DGKH: variants seen among roughly 807,000 people sequenced by gnomAD.
DGKH encodes the protein DAG kinase eta.
In DGKH, 90 loss-of-function variants were observed where a neutral mutation model predicts 159.3. The ratio of observed to expected loss-of-function variants is 0.57; its 90% CI spans 0.48 to 0.67. The LOEUF is 0.67. DGKH is among the 30% of genes least tolerant of loss of function. DGKH has a pLI of 0.00. For synonymous variants in DGKH, 536 were observed against 553.8 expected (o/e 0.97, Z 0.45); for missense variants, 1,181 against 1,506.1 (o/e 0.78, Z 3.57).
intron 1 of DGKH, among the ~76,000 whole-genome samples, chr13:42,093,848 G>A (rs746623256): frequency 3.9e-5 from 6 of 152,102 alleles, no homozygotes; most frequent in Non-Finnish European, 7.4e-5. Context: ...AGTTGCCAGG[G>A]GCTGAGAAGC....
At chr13:42,104,228 A>G (rs1219927481) in intron 1 of DGKH, among the ~76,000 whole-genome samples, 1 of 152,208 alleles carries the variant, frequency 6.6e-6, no homozygotes, top group Non-Finnish European at 1.5e-5. Flanking sequence ...GCACGGGACC[A>G]TTCAAGGGCC....
intron 9 of DGKH, 59 bp from the exon 10 acceptor site, chr13:42,168,381 G>T: frequency 1.4e-6 from 2 of 1,422,242 alleles, no homozygotes; most frequent in Non-Finnish European, 1.9e-6. Flanking sequence ...GAATAACAAA[G>T]AATTGAGGAA....
At chr13:42,198,316 C>T (rs2138147135) in intron 17 of DGKH, among the ~76,000 whole-genome samples, 162 bp from the exon 18 acceptor site, 1 of 152,248 alleles carries the variant, frequency 6.6e-6, no homozygotes, top group Non-Finnish European at 1.5e-5. Context: ...TCACAAATGT[C>T]ATTGTTTTTA....
intron 11 of DGKH, among the ~76,000 whole-genome samples, chr13:42,173,534 A>G (rs906921870): frequency 6.6e-6 from 1 of 152,148 alleles, no homozygotes; most frequent in African/African-American, 2.4e-5. Flanking sequence ...TATTTAGCTA[A>G]TTTTCATTTT....
chr13:42,131,284 A>G (rs973697010), intron 3 of DGKH, among the ~76,000 whole-genome samples: 2 of 152,202 alleles, frequency 1.3e-5, no homozygotes, highest in Non-Finnish European at 2.9e-5. Context: ...TGTTTTAAAA[A>G]TGATTTTGAA....
At chr13:42,159,940 C>CA in intron 6 of DGKH, 71 bp from the exon 7 acceptor site, 2 of 1,608,850 alleles carry the variant, frequency 1.2e-6, no homozygotes, top group Non-Finnish European at 1.7e-6. Context: ...AGAAATGATT[C>CA]AAAATCTCCC....
chr13:42,125,467 A>G lies in DGKH; in HGVS notation c.193-1996A>G, dbSNP rs539659319. Among the ~76,000 whole-genome samples the G allele has an allele frequency of 6.2e-4, 94 of 152,266 alleles. 1 individual carries two copies. Among genetic ancestry groups the G allele is most frequent in the African/African-American group, 2.1e-3 (86 of 41,566 alleles). On this transcript the variant is annotated intron_variant, in intron 1 of 29. Transcript: ENST00000337343. ...TATTGTTATTTCCGATTTTTAGGAG[A>G]CAAAACTGAGGCATAGAGTTGGGGT...
chr13:42,174,696 CTCTTTTCTTGT>C (rs563645960), intron 12 of DGKH, among the ~76,000 whole-genome samples: 1 of 152,228 alleles, frequency 6.6e-6, no homozygotes, highest in South Asian at 2.1e-4. Context: ...GCTTTGCGTA[CTCTTTTCTTGT>C]TCTTTTCTTT....
At chr13:42,159,171 C>A in intron 5 of DGKH, 95 bp from the exon 6 acceptor site, 1 of 670,860 alleles carries the variant, frequency 1.5e-6, no homozygotes, top group South Asian at 2.1e-5. Context: ...TCCTCCTTCC[C>A]TTTTAAAATT....
chr13:42,137,682 G>A (rs1454073911), intron 3 of DGKH, among the ~76,000 whole-genome samples: 1 of 152,166 alleles, frequency 6.6e-6, no homozygotes, highest in African/African-American at 2.4e-5. Context: ...GCACTTGCTG[G>A]TCAGACTACA....
intron 3 of DGKH, chr13:42,140,248 T>G (rs1316845494): frequency 6.6e-6 from 1 of 152,264 alleles, no homozygotes; most frequent in East Asian, 1.9e-4. Context: ...ATGAAAAGCT[T>G]GGCCAGTTAT....
intron 3 of DGKH, among the ~76,000 whole-genome samples, chr13:42,143,742 G>A (rs1269044607): frequency 6.6e-6 from 1 of 152,074 alleles, no homozygotes; most frequent in East Asian, 1.9e-4. Flanking sequence ...GATCAGTGGT[G>A]ATATCCCCTT....
chr13:42,206,366 C>G (rs899925278), intron 21 of DGKH, among the ~76,000 whole-genome samples: 3 of 152,214 alleles, frequency 2.0e-5, no homozygotes, highest in South Asian at 2.1e-4. Context: ...ATATTCGTAT[C>G]TTGGGATGTA....
chr13:42,129,413 GA>G, intron 2 of DGKH, 138 bp from the exon 3 acceptor site: 1 of 662,370 alleles, frequency 1.5e-6, no homozygotes, highest in South Asian at 2.0e-5. Context: ...TCCTTTCTAG[GA>G]AGAAATTGCA....
chr13:42,152,591 A>G (rs1594103920), intron 3 of DGKH, among the ~76,000 whole-genome samples: 1 of 146,050 alleles, frequency 6.8e-6, no homozygotes, highest in East Asian at 1.9e-4. Flanking sequence ...CCTCAAGGCC[A>G]AGTCCTTTGT....
intron 7 of DGKH, among the ~76,000 whole-genome samples, chr13:42,163,634 G>A (rs1388769429): frequency 6.6e-6 from 1 of 152,154 alleles, no homozygotes; most frequent in Non-Finnish European, 1.5e-5. Context: ...ATTTTTTCAT[G>A]TGTCTTTTGG....
At chr13:42,094,028 A>T (rs1344390059) in intron 1 of DGKH, among the ~76,000 whole-genome samples, 2 of 149,454 alleles carry the variant, frequency 1.3e-5, no homozygotes, top group East Asian at 4.0e-4. Flanking sequence ...AATAAAAAAA[A>T]CTTGCAGAAA....
In DGKH at chr13:42,241,599, G is replaced by A. The variant is rs1164953803; in HGVS notation, c.*12411G>A. The A allele has an allele frequency of 2.0e-5, 3 of 152,124 alleles. No homozygotes were observed. The highest frequency in any genetic ancestry group is 7.2e-5 in the African/African-American group (3 of 41,424). 9.4% of individuals were successfully genotyped at this position (152,124 alleles called of 1,614,324 possible). A position where few individuals can be genotyped will look rare whatever the true frequency, so the allele number is the denominator to read the frequency against. On this transcript the variant is annotated 3_prime_UTR_variant, in exon 30 of 30. Transcript: ENST00000337343. Reference sequence around the variant, plus strand: ...TGGGAAGGCATATATGCCTTTTGATGACACACACACCAAAATATATAAGAG... The same window carrying A: ...TGGGAAGGCATATATGCCTTTTGATAACACACACACCAAAATATATAAGAG...
rs535111276 is a variant in DGKH, at chr13:42,230,961, A to G, written c.*1773A>G. On this transcript the variant is annotated 3_prime_UTR_variant, in exon 30 of 30. Coordinates refer to ENST00000337343, the MANE Select transcript of DGKH (RefSeq NM_178009.5). Reference sequence around the variant, plus strand: ...CAAAATTTTAATGTCTTTAAAATAAATGACCCTGAGGGATTCCTGACCAAG... The same window carrying G: ...CAAAATTTTAATGTCTTTAAAATAAGTGACCCTGAGGGATTCCTGACCAAG... 7.9e-5 allele frequency: 12 copies of G among 152,232 alleles called. No homozygotes were observed. The highest frequency in any genetic ancestry group is 1.8e-4 in the Non-Finnish European group (12 of 68,038). The allele number at this position is 152,232 out of a possible 1,614,324, so 9.4% of individuals were successfully genotyped here.
Sources: allele counts gnomAD v4.1 joint callset (sites outside exome capture counted in the v4.1 genomes callset), GRCh38; gene constraint gnomAD v4.1.1; transcripts MANE v1.5; gene names NCBI Gene and HGNC (gene_info 2026-07-23, HGNC 2026-07-21).